Variants in ZFP91 observed in about 807,000 individuals in gnomAD.
ZFP91 encodes E3 ubiquitin-protein ligase ZFP91.
ZFP91 carries 7 observed loss-of-function variants against 63.5 expected under a neutral mutation model. The ratio of observed to expected loss-of-function variants is 0.11; its 90% CI spans 0.06 to 0.21. ZFP91 has a LOEUF of 0.21. Among genes scored for constraint, ZFP91 ranks in the 10% least tolerant of loss-of-function variants. The probability of loss-of-function intolerance (pLI) is 1.00; values close to 1 mark genes in which losing one functional copy is unlikely to be tolerated. For missense variants in ZFP91, 628 were observed against 736.6 expected, an observed-to-expected ratio of 0.85 and a Z score of 1.71; for synonymous variants, 330 against 272.1, an observed-to-expected ratio of 1.21 and a Z score of -2.10.
At chr11:58,581,942 T>G (rs1259472107) in intron 1 of ZFP91, among the ~76,000 whole-genome samples, 18 of 152,242 alleles carry the variant, frequency 1.2e-4, no homozygotes, top group Admixed American at 1.2e-3. Flanking sequence ...AATGGCATTC[T>G]TCTTTCAGCC....
intron 2 of ZFP91, 138 bp from the exon 3 acceptor site, chr11:58,609,692 A>G: frequency 2.7e-6 from 2 of 750,402 alleles, no homozygotes; most frequent in South Asian, 1.9e-5. Flanking sequence ...TTTTTTTATT[A>G]TTTCAATTAA....
chr11:58,580,039 C>CT (rs1221412289), intron 1 of ZFP91, among the ~76,000 whole-genome samples: 1 of 151,870 alleles, frequency 6.6e-6, no homozygotes, highest in Non-Finnish European at 1.5e-5. Flanking sequence ...AAAAATGATT[C>CT]CCCCCCGCCT....
intron 9 of ZFP91, among the ~76,000 whole-genome samples, chr11:58,615,630 C>T (rs922512300): frequency 7.9e-5 from 12 of 152,100 alleles, no homozygotes; most frequent in African/African-American, 2.7e-4. Context: ...TAAGAGTTTC[C>T]TAAGTTAGAA....
chr11:58,618,144 C>A lies in ZFP91; in HGVS notation c.*438C>A, dbSNP rs949345565. 6.3e-6 allele frequency: 1 copy of A among 157,608 alleles called. No individual in the cohort carries two copies. Among genetic ancestry groups the A allele is most frequent in the African/African-American group, 2.4e-5 (1 of 41,534 alleles). 9.8% of individuals were successfully genotyped at this position (157,608 alleles called of 1,614,324 possible). ...CTGCCCTATGGTTCTGGCTCCTACC[C>A]CCTGCGGCACACTTATCTTCAAATA... On this transcript the variant is annotated 3_prime_UTR_variant, in exon 11 of 11. Transcript: ENST00000316059.
chr11:58,611,236 C>T (rs1055820076), intron 5 of ZFP91, 182 bp downstream of exon 5: 4 of 502,442 alleles, frequency 8.0e-6, no homozygotes, highest in Admixed American at 3.8e-5. Flanking sequence ...ATCCTCTTTC[C>T]CATTTGTAGA....
At chr11:58,609,455 CTTT>C (rs1249049878) in intron 2 of ZFP91, among the ~76,000 whole-genome samples, 1 of 152,120 alleles carries the variant, frequency 6.6e-6, no homozygotes, top group African/African-American at 2.4e-5. Flanking sequence ...ATGGTTCTTT[CTTT>C]TTGGTGCCTC....
At chr11:58,591,487 C>A (rs1855305240) in intron 2 of ZFP91, among the ~76,000 whole-genome samples, 2 of 152,076 alleles carry the variant, frequency 1.3e-5, no homozygotes, top group Non-Finnish European at 2.9e-5. Context: ...TTCAAATGTA[C>A]AATTTAGGGA....
At chr11:58,596,581 T>G (rs1343855389) in intron 2 of ZFP91, among the ~76,000 whole-genome samples, 7 of 152,202 alleles carry the variant, frequency 4.6e-5, no homozygotes, top group Admixed American at 1.3e-4. Context: ...TGGCCCCTGT[T>G]CAAAAGCACT....
chr11:58,588,995 G>A (rs147266886), intron 2 of ZFP91, among the ~76,000 whole-genome samples: 8 of 152,320 alleles, frequency 5.3e-5, no homozygotes, highest in Non-Finnish European at 5.9e-5. Flanking sequence ...AATAGAAAAA[G>A]AGTTCTGGAA....
At position 58,588,230 on chromosome 11, in the gene ZFP91, G is replaced by A. The variant is rs530132613; in HGVS notation, c.370+3346G>A. Among the ~76,000 whole-genome samples, 11 of 152,258 alleles carry A rather than the reference G, an allele frequency of 7.2e-5. No homozygotes were observed. The East Asian group carries it at 1.9e-3, about 27-fold the overall frequency. On this transcript the variant is annotated intron_variant, in intron 2 of 10. Transcript: ENST00000316059. ...TTTTCAGTTGCTCTTATGAAATAGTGATGTTTGACAGTGATTACTGTGAGT... is the reference window on the plus strand; with the variant it reads ...TTTTCAGTTGCTCTTATGAAATAGTAATGTTTGACAGTGATTACTGTGAGT...
intron 2 of ZFP91, among the ~76,000 whole-genome samples, chr11:58,609,046 T>C (rs1161824131): frequency 1.3e-5 from 2 of 152,230 alleles, no homozygotes; most frequent in Admixed American, 1.3e-4. Flanking sequence ...TATTAAAGAA[T>C]CTTCTATTGT....
chr11:58,614,157 C>T, intron 8 of ZFP91, 72 bp from the exon 9 acceptor site: 1 of 959,272 alleles, frequency 1.0e-6, no homozygotes, highest in Non-Finnish European at 1.6e-6. Flanking sequence ...GTACTTTTGA[C>T]TTAGCAAAGA....
chr11:58,612,191 G>GT (rs1491385095), intron 6 of ZFP91, 87 bp from the exon 7 acceptor site: 25 of 658,602 alleles, frequency 3.8e-5, no homozygotes, highest in Non-Finnish European at 5.3e-5. Context: ...TTCTTTGGCC[G>GT]TGTGTGTGTG....
intron 1 of ZFP91, among the ~76,000 whole-genome samples, chr11:58,584,164 C>CT (rs1855165440): frequency 6.6e-6 from 1 of 151,956 alleles, no homozygotes. Context: ...TTTACTGTTG[C>CT]TTTTTAATTT....
chr11:58,584,242 G>A (rs1855166835), intron 1 of ZFP91, among the ~76,000 whole-genome samples: 1 of 151,906 alleles, frequency 6.6e-6, no homozygotes, highest in African/African-American at 2.4e-5. Context: ...TTTTGATTTG[G>A]TCTTAACAAA....
In ZFP91 at chr11:58,609,855, A is replaced by G. The variant is rs761245526; in HGVS notation, c.396A>G (p.Glu132=). Reference sequence around the variant, plus strand: ...ATCCCAAGGAAGAAAAAGAGGAAGAAGACGATTCTGCCCTCCCTCAGGAAG... The same window carrying G: ...ATCCCAAGGAAGAAAAAGAGGAAGAGGACGATTCTGCCCTCCCTCAGGAAG... ...DKDPKEEKEE[E]DDSALPQEVS... Residue 132 remains glutamate, a synonymous_variant, in exon 3 of 11, where the codon GAA becomes GAG. Coordinates refer to ENST00000316059, the MANE Select transcript of ZFP91 (RefSeq NM_053023.5). 1 of 1,614,218 alleles carries G rather than the reference A, an allele frequency of 6.2e-7. No individual in the cohort carries two copies. Among genetic ancestry groups the G allele is most frequent in the Non-Finnish European group, 8.5e-7 (1 of 1,180,026 alleles).
chr11:58,616,870 AAG>A (rs1855756999), intron 10 of ZFP91, 55 bp downstream of exon 10: 4 of 1,532,404 alleles, frequency 2.6e-6, no homozygotes, highest in Non-Finnish European at 9.0e-7. Flanking sequence ...GCCCTACTTG[AAG>A]GTTTGCCGCT....
chr11:58,612,514 A>T (rs2275993), intron 7 of ZFP91, 186 bp downstream of exon 7: 1 of 643,364 alleles, frequency 1.6e-6, no homozygotes, highest in Non-Finnish European at 2.7e-6. Context: ...TGAAATTTCT[A>T]ACAATCTTAA....
At chr11:58,605,453 A>G (rs765644410) in intron 2 of ZFP91, among the ~76,000 whole-genome samples, 3 of 152,158 alleles carry the variant, frequency 2.0e-5, no homozygotes, top group Non-Finnish European at 4.4e-5. Flanking sequence ...AGCATTTTTT[A>G]TAGGGCAGAT....
Sources: allele counts gnomAD v4.1 joint callset (sites outside exome capture counted in the v4.1 genomes callset), GRCh38; gene constraint gnomAD v4.1.1; transcripts MANE v1.5; gene names NCBI Gene and HGNC (gene_info 2026-07-23, HGNC 2026-07-21).